RAB44: variants seen among roughly 807,000 people sequenced by gnomAD.
The protein encoded by RAB44 is ras-related protein Rab-44.
A neutral mutation model predicts 93.3 loss-of-function variants in RAB44; 67 were observed. That is an observed-to-expected ratio of 0.72 (90% confidence interval 0.59 to 0.88). The LOEUF is 0.88. RAB44 is among the 40% of genes least tolerant of loss of function. RAB44 has a pLI of 0.00. For missense variants in RAB44, 1,064 were observed against 1,261.7 expected (o/e 0.84, Z 2.37); for synonymous variants, 427 against 520.3 (o/e 0.82, Z 2.44).
chr6:36,726,487 C>T (rs905228951), intron 10 of RAB44, among the ~76,000 whole-genome samples: 5 of 152,184 alleles, frequency 3.3e-5, no homozygotes, highest in South Asian at 4.1e-4. Context: ...TCGTGATCTA[C>T]CTGCCTCGGC....
intron 1 of RAB44, among the ~76,000 whole-genome samples, chr6:36,699,622 G>A (rs762316847): frequency 7.2e-5 from 11 of 152,192 alleles, no homozygotes; most frequent in Non-Finnish European, 1.6e-4. Context: ...TCTGCCCAGG[G>A]AAGAGCCACC....
chr6:36,726,371 A>G (rs1309066797), intron 10 of RAB44, among the ~76,000 whole-genome samples: 2 of 152,110 alleles, frequency 1.3e-5, no homozygotes, highest in African/African-American at 4.8e-5. Context: ...TCAGCCTCTG[A>G]GTAGCTGGGA....
chr6:36,727,534 G>A, intron 10 of RAB44, 43 bp from the exon 11 acceptor site: 2 of 1,397,482 alleles, frequency 1.4e-6, no homozygotes, highest in Non-Finnish European at 2.0e-6. Flanking sequence ...CAGGGCCTGG[G>A]GTCTGGATGC....
At chr6:36,726,267 A>G (rs1323798404) in intron 10 of RAB44, among the ~76,000 whole-genome samples, 1 of 152,138 alleles carries the variant, frequency 6.6e-6, no homozygotes, top group Non-Finnish European at 1.5e-5. Context: ...TCTTCTTGAG[A>G]TGGAGTCTCG....
chr6:36,728,810 T>G lies in RAB44; in HGVS notation c.2898+9T>G. The G allele has an allele frequency of 6.5e-7, 1 of 1,546,802 alleles. No individual in the cohort carries two copies. Among genetic ancestry groups the G allele is most frequent in the Non-Finnish European group, 8.7e-7 (1 of 1,143,590 alleles). ...GGCAGCAACTGGCCCAGGTAAGCAC[T>G]TGGGCATCAGCCCGTCTCTGTGCGT... On this transcript the variant is annotated intron_variant, in intron 12 of 13. Transcript: ENST00000612677.
At chr6:36,715,118 T>TATATATATATATATATATA (rs1562058557) in intron 3 of RAB44, among the ~76,000 whole-genome samples, 1 of 151,728 alleles carries the variant, frequency 6.6e-6, no homozygotes, top group African/African-American at 2.4e-5. Flanking sequence ...TATATATATA[T>TATATATATATATATATATA]TCTTTTCAAC....
At position 36,725,948 on chromosome 6, in the gene RAB44, C is replaced by T. The variant is rs2150340840; in HGVS notation, c.2681+5C>T. 2 of 1,549,366 alleles carry T rather than the reference C, an allele frequency of 1.3e-6. No homozygotes were observed. The highest frequency in any genetic ancestry group is 2.4e-5 in the East Asian group (1 of 40,930). On this transcript the variant is annotated splice_donor_5th_base_variant and intron_variant, in intron 10 of 13. Transcript: ENST00000612677. ...GGACACAGCTGGCCAAGAGAGGTAACAGGCACTGTATATCAGTGTGTCAGG... is the reference window on the plus strand; with the variant it reads ...GGACACAGCTGGCCAAGAGAGGTAATAGGCACTGTATATCAGTGTGTCAGG...
At chr6:36,725,322 T>C (rs1270630637) in intron 9 of RAB44, among the ~76,000 whole-genome samples, 1 of 152,208 alleles carries the variant, frequency 6.6e-6, no homozygotes, top group African/African-American at 2.4e-5. Flanking sequence ...ATTACAGGCA[T>C]GTGTCACCAC....
intron 2 of RAB44, among the ~76,000 whole-genome samples, chr6:36,707,237 AT>A (rs1462526049): frequency 6.6e-6 from 1 of 151,874 alleles, no homozygotes; most frequent in Non-Finnish European, 1.5e-5. Flanking sequence ...TGTGTCTGTA[AT>A]CCTAGCTACT....
Position 36,704,173 on chromosome 6 carries a change from A to G in RAB44, c.-12-51A>G, listed in dbSNP as rs1366403347. On this transcript the variant is annotated intron_variant, in intron 1 of 13. Coordinates refer to ENST00000612677, the MANE Select transcript of RAB44 (RefSeq NM_001257357.2). ...AGCCAGGGGAGGGTTTTGAGCCATG[A>G]GAGGGCGTGACTGTCCAGCAGCCCG... 3.4e-6 allele frequency: 5 copies of G among 1,450,608 alleles called. No individual in the cohort carries two copies. In the Admixed American group the frequency reaches 9.9e-5, roughly 29 times the overall value. 89.9% of individuals were successfully genotyped at this position (1,450,608 alleles called of 1,614,324 possible). A position where few individuals can be genotyped will look rare whatever the true frequency, so the allele number is the denominator to read the frequency against.
intron 1 of RAB44, among the ~76,000 whole-genome samples, chr6:36,702,338 G>GAGAGA (rs1201118344): frequency 0.017 from 1,002 of 58,244 alleles, 8 homozygotes; most frequent in East Asian, 0.081. Flanking sequence ...GAGAGAGAGA[G>GAGAGA]AATGTACTTC....
chr6:36,699,306 A>G (rs1762457157), intron 1 of RAB44, among the ~76,000 whole-genome samples: 1 of 152,080 alleles, frequency 6.6e-6, no homozygotes, highest in African/African-American at 2.4e-5. Context: ...CAGAAAGGAA[A>G]GTCAGGAATG....
chr6:36,708,927 TTTTA>T (rs1360626157), intron 2 of RAB44, among the ~76,000 whole-genome samples: 15 of 151,752 alleles, frequency 9.9e-5, no homozygotes, highest in South Asian at 8.3e-4. Context: ...TTTTACTTAT[TTTTA>T]TTTATTTATT....
rs1027974440 is a variant in RAB44 at position 36,717,037 on chromosome 6, C to T, written c.495-236C>T. The stretch of plus-strand genomic sequence containing the variant: ...CCCAAATCCCCCCATCCCACTATTA[C>T]GGAATCATAGAGAGACACAGTGTGG... On this transcript the variant is annotated intron_variant, in intron 4 of 13. Transcript: ENST00000612677. The surrounding 1 kb of genome is among the most constrained non-coding windows in gnomAD (Gnocchi z 4.1). 1.3e-5 allele frequency among the ~76,000 whole-genome samples: 2 copies of T among 152,250 alleles called. No individual in the cohort carries two copies. Among genetic ancestry groups the T allele is most frequent in the Non-Finnish European group, 1.5e-5 (1 of 68,010 alleles).
intron 9 of RAB44, among the ~76,000 whole-genome samples, chr6:36,724,693 C>G (rs557621551): frequency 1.1e-3 from 168 of 152,260 alleles, no homozygotes; most frequent in African/African-American, 3.8e-3. Flanking sequence ...ACCAACCAAC[C>G]AACCAGGCAA....
chr6:36,730,677 T>A lies in RAB44; in HGVS notation c.2903T>A (p.Leu968Gln). The A allele has an allele frequency of 1.6e-6, 2 of 1,234,174 alleles. No individual in the cohort carries two copies. The highest frequency in any genetic ancestry group is 3.2e-5 in the East Asian group (1 of 31,684). The allele number at this position is 1,234,174 out of a possible 1,614,324, so 76.5% of individuals were successfully genotyped here. A position where few individuals can be genotyped will look rare whatever the true frequency, so the allele number is the denominator to read the frequency against. ...VEAGQQLAQE[L>Q]GVYFGECSAA... ...CCCTCCCTGTCTGGCCTGCAGGAAC[T>A]GGGGGTCTATTTTGGGGAGTGCAGT... is the stretch of plus-strand genomic sequence containing the variant. The change falls in exon 13 of 14, where the codon CTG (leucine) becomes CAG (glutamine). Residue 968 changes from leucine to glutamine, a missense_variant. Coordinates refer to ENST00000612677, the MANE Select transcript of RAB44 (RefSeq NM_001257357.2).
chr6:36,722,676 T>C lies in RAB44; in HGVS notation c.2542T>C (p.Ser848Pro), dbSNP rs1199628741. The C allele has an allele frequency of 6.4e-7, 1 of 1,550,516 alleles. No individual in the cohort carries two copies. Among genetic ancestry groups the C allele is most frequent in the African/African-American group, 1.4e-5 (1 of 73,054 alleles). The change falls in exon 9 of 14, where the codon TCC becomes CCC. Residue 848 changes from serine (S) to proline (P), a missense_variant. Ser to Pro is a moderately conservative substitution (Grantham distance 74). Transcript: ENST00000612677. ...GGGAGACTCCAACGTGGGCAAAACATCCTTCCTGCACCTGCTGCACCAGAA... is the reference window on the plus strand; with the variant it reads ...GGGAGACTCCAACGTGGGCAAAACACCCTTCCTGCACCTGCTGCACCAGAA... ...FLGDSNVGKT[S>P]FLHLLHQNSF...
chr6:36,727,710 G>C lies in RAB44; in HGVS notation c.2796+19G>C. On this transcript the variant is annotated intron_variant, in intron 11 of 13. Coordinates refer to ENST00000612677, the MANE Select transcript of RAB44 (RefSeq NM_001257357.2). ...TCTCCAGGTGAGCAGATGGCTGCTGGGGTTGGCCCCAGTCCCTCCAGTCAA... is the reference window on the plus strand; with the variant it reads ...TCTCCAGGTGAGCAGATGGCTGCTGCGGTTGGCCCCAGTCCCTCCAGTCAA... 6.6e-7 allele frequency: 1 copy of C among 1,514,818 alleles called. No individual in the cohort carries two copies. Among genetic ancestry groups the C allele is most frequent in the African/African-American group, 1.4e-5 (1 of 72,410 alleles). 93.8% of individuals were successfully genotyped at this position (1,514,818 alleles called of 1,614,324 possible).
intron 1 of RAB44, among the ~76,000 whole-genome samples, chr6:36,703,343 A>G (rs765065608): frequency 5.9e-5 from 9 of 152,200 alleles, no homozygotes; most frequent in Non-Finnish European, 1.3e-4. Flanking sequence ...TGGGGAACAC[A>G]TTCAAACCAT....
Sources: gnomAD v4.1 joint callset for allele counts (sites outside exome capture counted in the v4.1 genomes callset) on GRCh38, gnomAD v4.1.1 for gene constraint, Gnocchi (gnomAD v3.1) non-coding constraint, MANE v1.5 for transcripts, NCBI Gene and HGNC (gene_info 2026-07-23, HGNC 2026-07-21) for gene names.